The following UPK1A variants were observed in gnomAD, a reference collection of about 807,000 sequenced individuals.
UPK1A encodes uroplakin-1a.
Under a neutral mutation model 32.3 loss-of-function variants are expected in UPK1A, and 31 were observed. The observed-to-expected ratio is 0.96, with a 90% confidence interval of 0.72 to 1.30. The LOEUF is 1.30. Ranked by LOEUF, UPK1A falls within the 50% of genes most tolerant of loss-of-function variation. The pLI is 0.00. For synonymous variants in UPK1A, 135 were observed against 137.1 expected (o/e 0.98, Z 0.11); for missense variants, 340 against 357.4 (o/e 0.95, Z 0.39).
At chr19:35,672,432 T>G (rs986879225) in intron 3 of UPK1A, among the ~76,000 whole-genome samples, 4 of 152,224 alleles carry the variant, frequency 2.6e-5, no homozygotes, top group African/African-American at 9.6e-5. Context: ...CAGCTAATTT[T>G]TGTATTTTTG....
rs1027860094 is a variant in UPK1A, at chr19:35,677,808, C to A, written c.649-4C>A. On this transcript the variant is annotated splice_region_variant and splice_polypyrimidine_tract_variant and intron_variant, in intron 6 of 7. Transcript: ENST00000617999. ...TCTCAAACTTCCCCCATCCCCCTGCCCAGGGCTGCTTCGAACACATCGGCC... is the reference window on the plus strand; with the variant it reads ...TCTCAAACTTCCCCCATCCCCCTGCACAGGGCTGCTTCGAACACATCGGCC... 6.2e-7 allele frequency: 1 copy of A among 1,612,172 alleles called. No individual in the cohort carries two copies. Among genetic ancestry groups the A allele is most frequent in the South Asian group, 1.1e-5 (1 of 90,982 alleles).
At chr19:35,676,195 CTTTT>C (rs747589460) in intron 6 of UPK1A, 176 bp downstream of exon 6, 5 of 589,684 alleles carry the variant, frequency 8.5e-6, no homozygotes, top group South Asian at 8.4e-5. Flanking sequence ...TTCTTTCTTT[CTTTT>C]TTTTTTTTCA....
intron 5 of UPK1A, 121 bp from the exon 6 acceptor site, chr19:35,675,719 A>T: frequency 8.6e-7 from 1 of 1,161,350 alleles, no homozygotes; most frequent in Non-Finnish European, 1.2e-6. Context: ...GGCCCAGGAC[A>T]TGGGGAAGTT....
chr19:35,671,386 C>CAAAA lies in UPK1A; in HGVS notation c.286-1834_286-1831dup, dbSNP rs370178140. 8.9e-3 allele frequency among the ~76,000 whole-genome samples: 793 copies of CAAAA among 88,666 alleles called. 24 individuals carry two copies. Among genetic ancestry groups the CAAAA allele is most frequent in the African/African-American group, 0.035 (745 of 21,532 alleles). 58.2% of individuals were successfully genotyped at this position (88,666 alleles called of 152,430 possible). A position where few individuals can be genotyped will look rare whatever the true frequency, so the allele number is the denominator to read the frequency against. On this transcript the variant is annotated intron_variant, in intron 3 of 7. Coordinates refer to ENST00000617999, the Ensembl canonical transcript of UPK1A. ...TGGGCGACAGAGCAAGACTCTGTCT[C>CAAAA]AAAAAAAAAAAAAAATTGTGTCTGT...
chr19:35,673,467 G>A (rs1968134575), exon 5 of UPK1A: 1 of 1,613,634 alleles, frequency 6.2e-7, no homozygotes, highest in African/African-American at 1.3e-5. Flanking sequence ...TGATCACCAA[G>A]CAGATGCTGA....
At chr19:35,674,998 C>T (rs959272944) in intron 5 of UPK1A, among the ~76,000 whole-genome samples, 1 of 148,848 alleles carries the variant, frequency 6.7e-6, no homozygotes, top group Non-Finnish European at 1.5e-5. Context: ...GCCAAGATGG[C>T]GCCACTGTAC....
chr19:35,669,716 C>G (rs140506445), intron 3 of UPK1A, among the ~76,000 whole-genome samples: 70 of 152,194 alleles, frequency 4.6e-4, no homozygotes, highest in African/African-American at 1.5e-3. Context: ...GCCAGAAGCC[C>G]TTCACAGCTA....
intron 3 of UPK1A, among the ~76,000 whole-genome samples, chr19:35,670,234 G>A (rs1968065292): frequency 6.6e-6 from 1 of 152,182 alleles, no homozygotes; most frequent in Non-Finnish European, 1.5e-5. Context: ...AGGTTGGGGG[G>A]TGAGAGGACA....
chr19:35,674,023 G>A (rs868422565), intron 5 of UPK1A, among the ~76,000 whole-genome samples: 1 of 151,104 alleles, frequency 6.6e-6, no homozygotes, highest in South Asian at 2.1e-4. Context: ...TCAGCTTCCC[G>A]AGTAGCTGGG....
At position 35,668,668 on chromosome 19, in the gene UPK1A, G is replaced by T; in HGVS notation, c.285+14G>T. 1 of 1,606,192 alleles carries T rather than the reference G, an allele frequency of 6.2e-7. No individual in the cohort carries two copies. The highest frequency in any genetic ancestry group is 8.5e-7 in the Non-Finnish European group (1 of 1,176,544). Reference sequence around the variant, plus strand: ...ATGGTCCTCACGGTGAGACTCCAGGGGTTGGGGGATGGGGACACTGAAAAC... The same window carrying T: ...ATGGTCCTCACGGTGAGACTCCAGGTGTTGGGGGATGGGGACACTGAAAAC... On this transcript the variant is annotated intron_variant, in intron 3 of 7. Coordinates refer to ENST00000617999, the Ensembl canonical transcript of UPK1A.
At chr19:35,676,428 G>A in intron 6 of UPK1A, 1 of 297,580 alleles carries the variant, frequency 3.4e-6, no homozygotes, top group Non-Finnish European at 6.6e-6. Context: ...GAGCTCAAGT[G>A]ATCCACCCAC....
intron 3 of UPK1A, among the ~76,000 whole-genome samples, chr19:35,672,605 T>C (rs1968120047): frequency 6.6e-6 from 1 of 152,144 alleles, no homozygotes; most frequent in Non-Finnish European, 1.5e-5. Context: ...TTTTGCTCTG[T>C]TGCCCAGGCA....
At chr19:35,675,147 G>A (rs1486442847) in intron 5 of UPK1A, among the ~76,000 whole-genome samples, 1 of 151,978 alleles carries the variant, frequency 6.6e-6, no homozygotes, top group Non-Finnish European at 1.5e-5. Flanking sequence ...CATGTTTGAA[G>A]GGTGCCCAAG....
intron 6 of UPK1A, among the ~76,000 whole-genome samples, chr19:35,676,744 C>G (rs1478772172): frequency 6.6e-6 from 1 of 151,494 alleles, no homozygotes; most frequent in East Asian, 2.0e-4. Context: ...ACTAAAAATG[C>G]AAAAATTAGC....
At chr19:35,667,876 A>G (rs1968022525) in intron 2 of UPK1A, 1 of 180,734 alleles carries the variant, frequency 5.5e-6, no homozygotes, top group Admixed American at 5.7e-5. Flanking sequence ...TGCAGCCTCC[A>G]ACTCCTGGGC....
At chr19:35,676,784 A>C (rs936947458) in intron 6 of UPK1A, among the ~76,000 whole-genome samples, 1 of 151,838 alleles carries the variant, frequency 6.6e-6, no homozygotes, top group Non-Finnish European at 1.5e-5. Context: ...CTGTAATCCC[A>C]GCTACTCGGG....
At position 35,678,119 on chromosome 19, in the gene UPK1A, C is replaced by T. The variant is rs192239293; in HGVS notation, c.*100C>T. On this transcript the variant is annotated 3_prime_UTR_variant, in exon 8 of 8. Coordinates refer to ENST00000617999, the Ensembl canonical transcript of UPK1A. ...GATGGCTGCCTCACCTCTCACCTCC[C>T]AACGTCCCTAGCCCTTACGTCCTTC... The T allele has an allele frequency of 6.5e-6, 9 of 1,389,122 alleles. No individual in the cohort carries two copies. The East Asian group carries it at 2.0e-4, about 31-fold the overall frequency. 86.0% of individuals were successfully genotyped at this position (1,389,122 alleles called of 1,614,324 possible).
At chr19:35,671,481 G>A (rs1237056695) in intron 3 of UPK1A, among the ~76,000 whole-genome samples, 17 of 131,350 alleles carry the variant, frequency 1.3e-4, no homozygotes, top group East Asian at 4.4e-4. Context: ...TTTTTGAGAC[G>A]GAGTCTTGCT....
chr19:35,670,557 TCCTCTCCCCTCCCCA>T (rs1473243808), intron 3 of UPK1A, among the ~76,000 whole-genome samples: 2 of 61,260 alleles, frequency 3.3e-5, no homozygotes, highest in East Asian at 1.3e-3. Flanking sequence ...TCCCCTCCCC[TCCTCTCCCCTCCCCA>T]CCTCCCTCCT....
Sources: gnomAD v4.1 joint callset for allele counts (sites outside exome capture counted in the v4.1 genomes callset) on GRCh38, gnomAD v4.1.1 for gene constraint, MANE v1.5 for transcripts, NCBI Gene and HGNC (gene_info 2026-07-23, HGNC 2026-07-21) for gene names.